Variants in NELL2 observed in about 807,000 individuals in gnomAD.
NELL2 encodes the protein neural EGFL like 2, also known as protein kinase C-binding protein NELL2.
A neutral mutation model predicts 109.6 loss-of-function variants in NELL2; 41 were observed. That is an observed-to-expected ratio of 0.37 (90% CI 0.29 to 0.49). The LOEUF is 0.49. Ranked by LOEUF, NELL2 falls within the 20% of genes least tolerant of loss-of-function variation. NELL2 has a pLI of 0.98. For synonymous variants in NELL2, 355 were observed against 344.7 expected (o/e 1.03, Z -0.33); for missense variants, 900 against 1,008.3 (o/e 0.89, Z 1.45).
At chr12:44,694,597 C>A (rs1949000975) in intron 12 of NELL2, among the ~76,000 whole-genome samples, 1 of 150,502 alleles carries the variant, frequency 6.6e-6, no homozygotes, top group African/African-American at 2.4e-5. Flanking sequence ...AATACAGTAT[C>A]CTTAGACTTT....
intron 1 of NELL2, among the ~76,000 whole-genome samples, chr12:44,898,135 C>T (rs1466509795): frequency 2.0e-5 from 3 of 152,194 alleles, no homozygotes; most frequent in Non-Finnish European, 4.4e-5. Context: ...AAACTCCCAT[C>T]TCCCTGGGAC....
At chr12:44,791,468 G>A (rs1259220393) in intron 3 of NELL2, among the ~76,000 whole-genome samples, 1 of 151,304 alleles carries the variant, frequency 6.6e-6, no homozygotes, top group Non-Finnish European at 1.5e-5. Flanking sequence ...ACTATAAATA[G>A]AGTACAGTGT....
Position 44,644,580 on chromosome 12 carries a change from GTATATATATA to G in NELL2, c.1444+20894_1444+20903del, listed in dbSNP as rs138161908. On this transcript the variant is annotated intron_variant, in intron 13 of 19. Transcript: ENST00000429094. ...GACATCCTATACCAGACAAAGTAAAGTATATATATATATATATATATATGTATGTATATAT... is the reference window on the plus strand; with the variant it reads ...GACATCCTATACCAGACAAAGTAAAGTATATATATATATGTATGTATATAT... 2.4e-3 allele frequency among the ~76,000 whole-genome samples: 200 copies of G among 84,402 alleles called. 3 individuals carry two copies. The highest frequency in any genetic ancestry group is 3.6e-3 in the Non-Finnish European group (156 of 43,298). 55.4% of individuals were successfully genotyped at this position (84,402 alleles called of 152,430 possible).
chr12:44,518,630 C>G (rs956475247), intron 19 of NELL2, among the ~76,000 whole-genome samples: 2 of 152,156 alleles, frequency 1.3e-5, no homozygotes, highest in African/African-American at 2.4e-5. Flanking sequence ...AAATATCCAT[C>G]TGTGCTATAT....
At chr12:44,524,742 C>T (rs552700133) in intron 16 of NELL2, among the ~76,000 whole-genome samples, 13 of 151,604 alleles carry the variant, frequency 8.6e-5, no homozygotes, top group African/African-American at 2.7e-4. Flanking sequence ...GATCAATAGC[C>T]GAAAAAGTGA....
At chr12:44,745,052 A>C (rs560861810) in intron 9 of NELL2, among the ~76,000 whole-genome samples, 38 of 152,300 alleles carry the variant, frequency 2.5e-4, no homozygotes, top group African/African-American at 8.7e-4. Flanking sequence ...CGAAAATCCT[A>C]CATAAAATAC....
At position 44,714,672 on chromosome 12, in the gene NELL2, A is replaced by G. The variant is rs1301919111; in HGVS notation, c.1064T>C (p.Val355Ala). Residue 355 changes from valine to alanine, a missense_variant, in exon 10 of 20, where the codon GTA (valine) becomes GCA (alanine). This residue lies in a region of NELL2 where 292 missense variants were observed against 265.3 expected (regional missense o/e 1.10). Transcript: ENST00000429094. Reference protein sequence around the residue: ...ERNTVYSSSGVCVLYECKDQT... With the variant: ...ERNTVYSSSGACVLYECKDQT... ...TACCTTGCACTCATAGAGAACACATACTCCAGAAGAGGAATAGACTGTATT... is the reference window on the plus strand; with the variant it reads ...TACCTTGCACTCATAGAGAACACATGCTCCAGAAGAGGAATAGACTGTATT... 6.3e-7 allele frequency: 1 copy of G among 1,597,072 alleles called. No homozygotes were observed. Among genetic ancestry groups the G allele is most frequent in the Admixed American group, 1.8e-5 (1 of 55,692 alleles).
chr12:44,715,647 C>T (rs76813138), intron 9 of NELL2, among the ~76,000 whole-genome samples: 8,877 of 152,052 alleles, frequency 0.058, 859 homozygotes, highest in African/African-American at 0.2. Context: ...CTTTGAAAGG[C>T]CACCCAATAT....
chr12:44,522,154 C>T lies in NELL2; in HGVS notation c.2021G>A (p.Arg674Gln), dbSNP rs2138985105. The change falls in exon 18 of 20, where the codon CGG becomes CAG. Residue 674 changes from arginine to glutamine, a missense_variant. Coordinates refer to ENST00000429094, the MANE Select transcript of NELL2 (RefSeq NM_001145108.2). ...GGGATTCTCACAGTCACAGACCATC[C>T]GTCGACACATAACGAATCCATTCTG... ...SCQNGFVMCR[R>Q]MVCDCENPTV... The T allele has an allele frequency of 1.9e-6, 3 of 1,613,806 alleles. No homozygotes were observed. The highest frequency in any genetic ancestry group is 1.7e-5 in the Admixed American group (1 of 59,966).
At chr12:44,910,521 A>C (rs1945767745) in intron 1 of NELL2, among the ~76,000 whole-genome samples, 1 of 152,102 alleles carries the variant, frequency 6.6e-6, no homozygotes. Context: ...AATGTAAATT[A>C]GTTCAACCAC....
chr12:44,745,172 C>A (rs1337804571), intron 9 of NELL2, among the ~76,000 whole-genome samples: 1 of 152,120 alleles, frequency 6.6e-6, no homozygotes, highest in Non-Finnish European at 1.5e-5. Context: ...TAAATGTAAT[C>A]CAGCATATAA....
intron 18 of NELL2, among the ~76,000 whole-genome samples, chr12:44,521,281 G>A (rs921056344): frequency 6.6e-6 from 1 of 152,096 alleles, no homozygotes; most frequent in Non-Finnish European, 1.5e-5. Flanking sequence ...TCTTTAGAAG[G>A]TTGCTTTGGG....
At chr12:44,801,832 T>C (rs895373667) in intron 3 of NELL2, among the ~76,000 whole-genome samples, 1 of 152,054 alleles carries the variant, frequency 6.6e-6, no homozygotes, top group African/African-American at 2.4e-5. Flanking sequence ...TACTTCTCAT[T>C]CAGTCATTTA....
intron 15 of NELL2, among the ~76,000 whole-genome samples, chr12:44,605,164 C>T (rs1028221042): frequency 2.6e-5 from 4 of 152,090 alleles, no homozygotes; most frequent in African/African-American, 9.7e-5. Context: ...TACTGGGATG[C>T]ACTGGATAAA....
At chr12:44,883,240 C>T (rs1392960422) in intron 1 of NELL2, among the ~76,000 whole-genome samples, 1 of 151,960 alleles carries the variant, frequency 6.6e-6, no homozygotes, top group South Asian at 2.1e-4. Context: ...CTAAGCTTCA[C>T]TCTGAAGACT....
At chr12:44,816,683 G>A (rs1345796879) in intron 2 of NELL2, among the ~76,000 whole-genome samples, 1 of 152,204 alleles carries the variant, frequency 6.6e-6, no homozygotes, top group Non-Finnish European at 1.5e-5. Flanking sequence ...CTTCTGTGCA[G>A]TGGAAGAGGC....
intron 15 of NELL2, among the ~76,000 whole-genome samples, chr12:44,545,366 G>A (rs1942749444): frequency 6.6e-6 from 1 of 152,068 alleles, no homozygotes; most frequent in Admixed American, 6.6e-5. Flanking sequence ...TTTTAAGAAA[G>A]GGTGCTACAA....
At chr12:44,808,844 T>A (rs1303760444) in intron 3 of NELL2, among the ~76,000 whole-genome samples, 2 of 151,982 alleles carry the variant, frequency 1.3e-5, no homozygotes, top group African/African-American at 2.4e-5. Context: ...TCACCCAGAA[T>A]GTATAATTAA....
At position 44,818,725 on chromosome 12, in the gene NELL2, A is replaced by ATTTTTTTTTTTTTTTTTTTTTTTTTTTTT. The variant is rs1409987918; in HGVS notation, c.185-2590_185-2589insAAAAAAAAAAAAAAAAAAAAAAAAAAAAA. 2.8e-5 allele frequency among the ~76,000 whole-genome samples: 2 copies of ATTTTTTTTTTTTTTTTTTTTTTTTTTTTT among 72,146 alleles called. 1 individual carries two copies. 47.3% of individuals were successfully genotyped at this position (72,146 alleles called of 152,430 possible). Reference sequence around the variant, plus strand: ...CTGAGAGGCTATATTTTGTTCACTTATTTTTTTTTTTTTATTTTTTTTTTT... The same window carrying ATTTTTTTTTTTTTTTTTTTTTTTTTTTTT: ...CTGAGAGGCTATATTTTGTTCACTTATTTTTTTTTTTTTTTTTTTTTTTTTTTTTTTTTTTTTTTTTTATTTTTTTTTTT... On this transcript the variant is annotated intron_variant, in intron 2 of 19. Coordinates refer to ENST00000429094, the MANE Select transcript of NELL2 (RefSeq NM_001145108.2).
Sources: gnomAD v4.1 joint callset for allele counts (sites outside exome capture counted in the v4.1 genomes callset) on GRCh38, gnomAD v4.1.1 for gene constraint, gnomAD v4.1.1 regional missense constraint, MANE v1.5 for transcripts, NCBI Gene and HGNC (gene_info 2026-07-23, HGNC 2026-07-21) for gene names.